Variants in THEM6 observed in about 807,000 individuals in gnomAD.
The protein encoded by THEM6 is protein THEM6.
Under a neutral mutation model 13.7 loss-of-function variants are expected in THEM6, and 10 were observed. The observed-to-expected ratio is 0.73, with a 90% CI of 0.45 to 1.24. THEM6 has a LOEUF of 1.24. Among genes scored for constraint, THEM6 ranks in the 50% most tolerant of loss-of-function variants. The pLI, the probability that THEM6 is intolerant of heterozygous loss-of-function variation, is 0.00. For missense variants in THEM6, 317 were observed against 312.6 expected (o/e 1.01, Z -0.11); for synonymous variants, 161 against 156.0 (o/e 1.03, Z -0.24).
chr8:142,727,980 C>CT, intron 1 of THEM6, 121 bp downstream of exon 1: 1 of 1,153,818 alleles, frequency 8.7e-7, no homozygotes, highest in South Asian at 2.0e-5. Flanking sequence ...TCGGATACTG[C>CT]TGGAGTCCTG....
intron 1 of THEM6, among the ~76,000 whole-genome samples, chr8:142,728,548 CTG>C (rs1450863890): frequency 6.6e-6 from 1 of 152,230 alleles, no homozygotes; most frequent in Non-Finnish European, 1.5e-5. Context: ...AAGCCAGGGC[CTG>C]TGCACCCCTG....
intron 1 of THEM6, 36 bp downstream of exon 1, chr8:142,727,895 C>T: frequency 7.3e-7 from 1 of 1,378,704 alleles, no homozygotes; most frequent in Non-Finnish European, 9.3e-7. Context: ...GGAGCACGGC[C>T]TTTGTGGGAC....
chr8:142,728,154 CCTCTCCT>C (rs1815556684), intron 1 of THEM6, among the ~76,000 whole-genome samples: 1 of 152,208 alleles, frequency 6.6e-6, no homozygotes, highest in African/African-American at 2.4e-5. Context: ...CGTGTTCACC[CCTCTCCT>C]CTCTCCTGGT....
At chr8:142,729,367 G>A (rs587687540) in intron 1 of THEM6, among the ~76,000 whole-genome samples, 9 of 152,316 alleles carry the variant, frequency 5.9e-5, no homozygotes, top group African/African-American at 1.9e-4. Flanking sequence ...AGAGTACACC[G>A]AACAAAGGAG....
chr8:142,736,428 C>T lies in THEM6; in HGVS notation c.*989C>T, dbSNP rs760939340. On this transcript the variant is annotated 3_prime_UTR_variant, in exon 2 of 2. Transcript: ENST00000336138. ...AGCATGTTCCTTGTCAGCTGCTGGG[C>T]CGGCCCTGCCTTGCGCTAGCAGAGC... 37 of 152,494 alleles carry T rather than the reference C, an allele frequency of 2.4e-4. No individual in the cohort carries two copies. The highest frequency in any genetic ancestry group is 4.3e-4 in the Non-Finnish European group (29 of 68,170). The allele number at this position is 152,494 out of a possible 1,614,324, so 9.4% of individuals were successfully genotyped here. A position where few individuals can be genotyped will look rare whatever the true frequency, so the allele number is the denominator to read the frequency against.
Position 142,727,538 on chromosome 8 carries a change from C to A in THEM6, c.192C>A (p.His64Gln). The stretch of plus-strand genomic sequence containing the variant: ...CCTCGGACTTGGACCTGCTGCTGCA[C>A]ATGAACAACGCGCGCTACCTGCGCG... ...VLPSDLDLLL[H>Q]MNNARYLREA... Residue 64 changes from histidine (H) to glutamine (Q), a missense_variant, in exon 1 of 2, where the codon CAC (histidine) becomes CAA (glutamine). By Grantham distance (24) the His-to-Gln change is conservative. Coordinates refer to ENST00000336138, the MANE Select transcript of THEM6 (RefSeq NM_016647.3). 1 of 1,569,760 alleles carries A rather than the reference C, an allele frequency of 6.4e-7. No homozygotes were observed. Among genetic ancestry groups the A allele is most frequent in the East Asian group, 2.4e-5 (1 of 41,914 alleles).
intron 1 of THEM6, among the ~76,000 whole-genome samples, chr8:142,733,853 C>T (rs587740990): frequency 2.4e-4 from 36 of 152,304 alleles, no homozygotes; most frequent in African/African-American, 8.2e-4. Context: ...ATGTAAGATT[C>T]ACATTGATGC....
rs1348658463 is a variant in THEM6 at position 142,735,702 on chromosome 8, G to T, written c.*263G>T. On this transcript the variant is annotated 3_prime_UTR_variant, in exon 2 of 2. Coordinates refer to ENST00000336138, the MANE Select transcript of THEM6 (RefSeq NM_016647.3). ...GGATGGGCAAAGGAGAGTCCTGCCT[G>T]GCCCTACGATGAGGCCACTCATGTG... 6.3e-6 allele frequency: 3 copies of T among 476,338 alleles called. No individual in the cohort carries two copies. The highest frequency in any genetic ancestry group is 7.7e-6 in the Non-Finnish European group (2 of 258,512). The allele number at this position is 476,338 out of a possible 1,614,324, so 29.5% of individuals were successfully genotyped here.
intron 1 of THEM6, among the ~76,000 whole-genome samples, chr8:142,732,755 C>T (rs944676133): frequency 1.1e-4 from 15 of 136,178 alleles, no homozygotes; most frequent in East Asian, 4.4e-4. Context: ...CGGGTTTATT[C>T]GTCACACCAG....
Position 142,735,464 on chromosome 8 carries a change from T to C in THEM6, c.*25T>C. On this transcript the variant is annotated 3_prime_UTR_variant, in exon 2 of 2. Transcript: ENST00000336138. ...ACCGCCACCTTCACACCGTCTGCCC[T>C]GGCCACCATCCTGGGCCTGGGGGCT... The C allele has an allele frequency of 6.7e-7, 1 of 1,503,562 alleles. No homozygotes were observed. Among genetic ancestry groups the C allele is most frequent in the Non-Finnish European group, 9.1e-7 (1 of 1,103,508 alleles). 93.1% of individuals were successfully genotyped at this position (1,503,562 alleles called of 1,614,324 possible).
Position 142,727,602 on chromosome 8 carries a change from G to T in THEM6, c.256G>T (p.Gly86Trp). ...FARVAHLTRCGVLGALRELRA... is the reference protein window; with the variant it reads ...FARVAHLTRCWVLGALRELRA... ...GCGCGTCGCGCACCTGACCCGCTGC[G>T]GGGTGCTCGGGGCGCTGAGGGAGTT... Residue 86 changes from glycine to tryptophan, a missense_variant, in exon 1 of 2, where the codon GGG becomes TGG. Gly to Trp is a radical substitution (Grantham distance 184). Transcript: ENST00000336138. The T allele has an allele frequency of 6.6e-7, 1 of 1,509,592 alleles. No individual in the cohort carries two copies. Among genetic ancestry groups the T allele is most frequent in the African/African-American group, 1.4e-5 (1 of 69,198 alleles). The allele number at this position is 1,509,592 out of a possible 1,614,324, so 93.5% of individuals were successfully genotyped here. A position where few individuals can be genotyped will look rare whatever the true frequency, so the allele number is the denominator to read the frequency against.
Position 142,727,697 on chromosome 8 carries a change from C to G in THEM6, c.351C>G (p.Phe117Leu). 7.0e-7 allele frequency: 1 copy of G among 1,433,468 alleles called. No homozygotes were observed. Among genetic ancestry groups the G allele is most frequent in the Non-Finnish European group, 9.1e-7 (1 of 1,104,456 alleles). The allele number at this position is 1,433,468 out of a possible 1,614,324, so 88.8% of individuals were successfully genotyped here. A position where few individuals can be genotyped will look rare whatever the true frequency, so the allele number is the denominator to read the frequency against. The change falls in exon 1 of 2, where the codon TTC becomes TTG. Residue 117 changes from phenylalanine (F) to leucine (L), a missense_variant. By Grantham distance (22) the Phe-to-Leu change is conservative. Coordinates refer to ENST00000336138, the MANE Select transcript of THEM6 (RefSeq NM_016647.3). ...GCTCGCTGCGCCTGCTGGAGCCCTT[C>G]GAGGTGCGCACCCGCCTGCTGGGCT... ...HRRSLRLLEP[F>L]EVRTRLLGWD...
In THEM6 at chr8:142,727,450, G is replaced by C; in HGVS notation, c.104G>C (p.Arg35Pro). 1 of 1,559,328 alleles carries C rather than the reference G, an allele frequency of 6.4e-7. No individual in the cohort carries two copies. The highest frequency in any genetic ancestry group is 8.6e-7 in the Non-Finnish European group (1 of 1,160,210). The change falls in exon 1 of 2, where the codon CGC (arginine) becomes CCC (proline). Residue 35 changes from arginine to proline, a missense_variant. Coordinates refer to ENST00000336138, the MANE Select transcript of THEM6 (RefSeq NM_016647.3). ...VRLPCAVLRA[R>P]LLQPRVRDLL... ...CTTCCGTGCGCCGTGCTGCGCGCGC[G>C]CCTGCTGCAGCCGCGCGTCCGTGAC...
At position 142,727,633 on chromosome 8, in the gene THEM6, C is replaced by T. The variant is rs1383967993; in HGVS notation, c.287C>T (p.Ala96Val). 3.4e-6 allele frequency: 5 copies of T among 1,489,918 alleles called. No homozygotes were observed. The African/African-American group carries it at 4.4e-5, about 13-fold the overall frequency. The allele number at this position is 1,489,918 out of a possible 1,614,324, so 92.3% of individuals were successfully genotyped here. Residue 96 changes from alanine to valine, a missense_variant, in exon 1 of 2, where the codon GCG becomes GTG. Transcript: ENST00000336138. ...CTCGGGGCGCTGAGGGAGTTGCGGG[C>T]GCACACGGTGCTGGCGGCCTCGTGC... ...GVLGALRELR[A>V]HTVLAASCAR...
chr8:142,734,056 G>C (rs587647343), intron 1 of THEM6, among the ~76,000 whole-genome samples: 6 of 152,174 alleles, frequency 3.9e-5, no homozygotes, highest in African/African-American at 1.4e-4. Context: ...GTTTCTTGTC[G>C]GACTTAAGGT....
Position 142,727,398 on chromosome 8 carries a change from C to T in THEM6, c.52C>T (p.Leu18=). The T allele has an allele frequency of 6.5e-7, 1 of 1,530,564 alleles. No homozygotes were observed. The highest frequency in any genetic ancestry group is 8.7e-7 in the Non-Finnish European group (1 of 1,145,048). 94.8% of individuals were successfully genotyped at this position (1,530,564 alleles called of 1,614,324 possible). A position where few individuals can be genotyped will look rare whatever the true frequency, so the allele number is the denominator to read the frequency against. ...GGCCCTGGGGCTCGCTGTCTTTGCG[C>T]TGCTGGACGTCTGGTACCTGGTGCG... ...LLALGLAVFA[L]LDVWYLVRLP... Residue 18 remains leucine, a synonymous_variant, in exon 1 of 2, where the codon CTG becomes TTG. Coordinates refer to ENST00000336138, the MANE Select transcript of THEM6 (RefSeq NM_016647.3).
intron 1 of THEM6, among the ~76,000 whole-genome samples, chr8:142,730,236 G>C (rs1364884972): frequency 1.8e-4 from 28 of 151,910 alleles, no homozygotes; most frequent in African/African-American, 6.8e-4. Flanking sequence ...TTTTTTCTTG[G>C]CTCTGCGGAT....
rs782458754 is a variant in THEM6, at chr8:142,727,641, G to A, written c.295G>A (p.Val99Met). ...GALRELRAHT[V>M]LAASCARHRR... ...GCTGAGGGAGTTGCGGGCGCACACG[G>A]TGCTGGCGGCCTCGTGCGCGCGCCA... Residue 99 changes from valine to methionine, a missense_variant, in exon 1 of 2, where the codon GTG (valine) becomes ATG (methionine). Physicochemically the swap from Val to Met is conservative, Grantham distance 21 (BLOSUM62 1). Transcript: ENST00000336138. 13 of 1,464,190 alleles carry A rather than the reference G, an allele frequency of 8.9e-6. No individual in the cohort carries two copies. The East Asian group carries it at 1.7e-4, about 19-fold the overall frequency. The allele number at this position is 1,464,190 out of a possible 1,614,324, so 90.7% of individuals were successfully genotyped here.
chr8:142,731,795 C>T (rs1815651404), intron 1 of THEM6, among the ~76,000 whole-genome samples: 1 of 152,186 alleles, frequency 6.6e-6, no homozygotes. Flanking sequence ...CCCCACCATT[C>T]CCCTTTTTAC....
Sources: gnomAD v4.1 joint callset for allele counts (sites outside exome capture counted in the v4.1 genomes callset) on GRCh38, gnomAD v4.1.1 for gene constraint, MANE v1.5 for transcripts, NCBI Gene and HGNC (gene_info 2026-07-23, HGNC 2026-07-21) for gene names.